ST3GAL1: variants seen among roughly 807,000 people sequenced by gnomAD.
ST3GAL1 encodes CMP-N-acetylneuraminate-beta-galactosamide-alpha-2,3-sialyltransferase 1.
ST3GAL1 carries 16 observed loss-of-function variants against 34.1 expected under a neutral mutation model. The observed-to-expected ratio is 0.47, with a 90% CI of 0.32 to 0.71. The LOEUF (loss-of-function observed/expected upper bound fraction) is 0.71, where lower values mean the gene tolerates loss of function less well. Among genes scored for constraint, ST3GAL1 ranks in the 30% least tolerant of loss-of-function variants. The pLI, the probability that ST3GAL1 is intolerant of heterozygous loss-of-function variation, is 0.04. For synonymous variants in ST3GAL1, 191 were observed against 184.7 expected (o/e 1.03, Z -0.28); for missense variants, 353 against 447.4 (o/e 0.79, Z 1.90).
chr8:133,495,829 T>A (rs899601403), intron 3 of ST3GAL1, among the ~76,000 whole-genome samples: 5 of 152,188 alleles, frequency 3.3e-5, no homozygotes, highest in South Asian at 4.1e-4. Flanking sequence ...ACACAAAAGC[T>A]CATGCTGCTT....
At position 133,571,424 on chromosome 8, in the gene ST3GAL1, C is replaced by T. The variant is rs570977530; in HGVS notation, c.-582+269G>A. On this transcript the variant is annotated intron_variant, in intron 1 of 9. Transcript: ENST00000522652. This position sits in a 1 kb window ranked among gnomAD's most constrained non-coding sequence, Gnocchi z 6.7. ...GAAGACCCCTAAGCCCGAACCTCCA[C>T]CCCGACCTTCTTCCTCTCCCAAAGC... Among the ~76,000 whole-genome samples, 14 of 152,300 alleles carry T rather than the reference C, an allele frequency of 9.2e-5. No individual in the cohort carries two copies. Among genetic ancestry groups the T allele is most frequent in the African/African-American group, 3.4e-4 (14 of 41,572 alleles).
chr8:133,469,738 G>A lies in ST3GAL1; in HGVS notation c.307-3648C>T, dbSNP rs1391883973. Among the ~76,000 whole-genome samples, 2 of 152,228 alleles carry A rather than the reference G, an allele frequency of 1.3e-5. No homozygotes were observed. The highest frequency in any genetic ancestry group is 4.8e-5 in the African/African-American group (2 of 41,448). ...TGACAAGGTGCAAAGTAAGACACCA[G>A]GCCAAACTGAAGCCCCAGCACTGCA... is the stretch of plus-strand genomic sequence containing the variant. On this transcript the variant is annotated intron_variant, in intron 5 of 9. Transcript: ENST00000522652. The surrounding 1 kb of genome is among the most constrained non-coding windows in gnomAD (Gnocchi z 4.3).
chr8:133,550,857 C>A (rs936224750), intron 1 of ST3GAL1, among the ~76,000 whole-genome samples: 2 of 152,162 alleles, frequency 1.3e-5, no homozygotes, highest in African/African-American at 2.4e-5. Flanking sequence ...TTCTACTGTA[C>A]AATATAATAC....
At chr8:133,491,841 G>T (rs1816795533) in intron 3 of ST3GAL1, among the ~76,000 whole-genome samples, 1 of 152,130 alleles carries the variant, frequency 6.6e-6, no homozygotes, top group South Asian at 2.1e-4. Flanking sequence ...TGGATCACAG[G>T]ATTAAACTGC....
intron 1 of ST3GAL1, among the ~76,000 whole-genome samples, chr8:133,561,670 G>A (rs937521196): frequency 1.3e-5 from 2 of 152,100 alleles, no homozygotes; most frequent in Non-Finnish European, 2.9e-5. Flanking sequence ...CTGTTCTCAC[G>A]CTCAGCCAAG....
At position 133,455,475 on chromosome 8, in the gene ST3GAL1, G is replaced by A. The variant is rs1347039567; in HGVS notation, c.*4289C>T. The A allele has an allele frequency of 1.3e-5, 2 of 152,298 alleles. No individual in the cohort carries two copies. The highest frequency in any genetic ancestry group is 3.8e-4 in the East Asian group (2 of 5,200). The allele number at this position is 152,298 out of a possible 1,614,324, so 9.4% of individuals were successfully genotyped here. ...TTTTCCTCCTTTTCTTTGCACAGGT[G>A]TCAGGTAGCACCCCAGGGGTGCAGG... On this transcript the variant is annotated 3_prime_UTR_variant, in exon 10 of 10. Coordinates refer to ENST00000522652, the MANE Select transcript of ST3GAL1 (RefSeq NM_173344.3).
At position 133,459,866 on chromosome 8, in the gene ST3GAL1, C is replaced by T. The variant is rs778431867; in HGVS notation, c.921G>A (p.Ala307=). The change falls in exon 10 of 10, where the codon GCG becomes GCA. Residue 307 remains alanine (A), a synonymous_variant. Coordinates refer to ENST00000522652, the MANE Select transcript of ST3GAL1 (RefSeq NM_173344.3). This position sits in a 1 kb window ranked among gnomAD's most constrained non-coding sequence, Gnocchi z 4.7. The part of the protein sequence containing the change: ...WHHYWENNPS[A]GAFRKTGVHD... ...GCACCCCCGTCTTGCGAAAAGCCCC[C>T]GCGGATGGGTTGTTCTCCCAGTAGT... is the stretch of plus-strand genomic sequence containing the variant. 37 of 1,614,044 alleles carry T rather than the reference C, an allele frequency of 2.3e-5. No individual in the cohort carries two copies. The highest frequency in any genetic ancestry group is 6.7e-5 in the East Asian group (3 of 44,890).
intron 2 of ST3GAL1, among the ~76,000 whole-genome samples, chr8:133,520,958 T>TG (rs1586637596): frequency 1.6e-5 from 1 of 62,116 alleles, no homozygotes; most frequent in Non-Finnish European, 3.1e-5. Flanking sequence ...TTGTGGGTTG[T>TG]TTTTTTTTTT....
intron 3 of ST3GAL1, among the ~76,000 whole-genome samples, chr8:133,481,733 C>T (rs575426910): frequency 1.6e-4 from 24 of 151,938 alleles, no homozygotes; most frequent in Non-Finnish European, 2.9e-4. Context: ...CGACCTCAGG[C>T]GATCCACCCA....
At chr8:133,565,966 A>G (rs1481568967) in intron 1 of ST3GAL1, among the ~76,000 whole-genome samples, 1 of 152,246 alleles carries the variant, frequency 6.6e-6, no homozygotes, top group African/African-American at 2.4e-5. Context: ...GGGAACCACA[A>G]TAGCGTCCAC....
At chr8:133,512,304 G>C (rs1817519852) in intron 2 of ST3GAL1, among the ~76,000 whole-genome samples, 1 of 152,134 alleles carries the variant, frequency 6.6e-6, no homozygotes, top group Admixed American at 6.6e-5. Context: ...GATGTTCGAG[G>C]GCAGGAAGCA....
At position 133,550,067 on chromosome 8, in the gene ST3GAL1, G is replaced by T. The variant is rs546657793; in HGVS notation, c.-581-4141C>A. 1.4e-3 allele frequency among the ~76,000 whole-genome samples: 211 copies of T among 152,348 alleles called. 2 individuals carry two copies. The highest frequency in any genetic ancestry group is 3.7e-3 in the Admixed American group (57 of 15,296). On this transcript the variant is annotated intron_variant, in intron 1 of 9. Transcript: ENST00000522652. ...TCAGCTTCTCTAATACAGCACTGGG[G>T]TGTTAAATGCAGAGAAAAGGCAATT...
At chr8:133,475,073 C>T (rs1357363660) in intron 5 of ST3GAL1, among the ~76,000 whole-genome samples, 1 of 152,232 alleles carries the variant, frequency 6.6e-6, no homozygotes, top group Non-Finnish European at 1.5e-5. Context: ...TGTTGAGGAT[C>T]TCTGCATGAG....
At chr8:133,544,420 A>T (rs572920852) in intron 2 of ST3GAL1, among the ~76,000 whole-genome samples, 1 of 152,350 alleles carries the variant, frequency 6.6e-6, no homozygotes, top group South Asian at 2.1e-4. Context: ...AAGCATCATT[A>T]CTTTGTTCAA....
At position 133,528,643 on chromosome 8, in the gene ST3GAL1, T is replaced by C. The variant is rs956718687; in HGVS notation, c.-429+17131A>G. On this transcript the variant is annotated intron_variant, in intron 2 of 9. Transcript: ENST00000522652. ...GTTTTGTGGAACACAAATACATTCA[T>C]TCATTTATGTTTTGTCTATGGCTGC... Among the ~76,000 whole-genome samples the C allele has an allele frequency of 4.5e-4, 68 of 152,254 alleles. 2 individuals are homozygous for C. The highest frequency in any genetic ancestry group is 1.3e-3 in the African/African-American group (52 of 41,466).
At chr8:133,462,911 C>T (rs939773495) in intron 8 of ST3GAL1, among the ~76,000 whole-genome samples, 23 of 152,222 alleles carry the variant, frequency 1.5e-4, no homozygotes, top group African/African-American at 4.8e-4. Context: ...CCGAGCCTAT[C>T]TAAGTTTGAT....
At chr8:133,485,595 T>G (rs1816554775) in intron 3 of ST3GAL1, among the ~76,000 whole-genome samples, 1 of 152,184 alleles carries the variant, frequency 6.6e-6, no homozygotes. Context: ...AAGTGACTTT[T>G]CCAAGGATAC....
intron 2 of ST3GAL1, among the ~76,000 whole-genome samples, chr8:133,525,204 C>T (rs564418694): frequency 6.6e-6 from 1 of 152,302 alleles, no homozygotes; most frequent in East Asian, 1.9e-4. Flanking sequence ...ACAGGCAGGT[C>T]GTCCCAGTGA....
chr8:133,470,811 C>T (rs1299453488), intron 5 of ST3GAL1, among the ~76,000 whole-genome samples: 2 of 152,178 alleles, frequency 1.3e-5, no homozygotes, highest in Non-Finnish European at 2.9e-5. Flanking sequence ...AGGGGCACGG[C>T]CCGAGAGCGG....
Sources: allele counts gnomAD v4.1 joint callset (sites outside exome capture counted in the v4.1 genomes callset), GRCh38; gene constraint gnomAD v4.1.1; non-coding constraint Gnocchi (gnomAD v3.1); transcripts MANE v1.5; gene names NCBI Gene and HGNC (gene_info 2026-07-23, HGNC 2026-07-21).